The following RABGAP1 variants were observed in gnomAD, a reference collection of about 807,000 sequenced individuals.
RABGAP1 encodes the protein rab GTPase-activating protein 1.
A neutral mutation model predicts 137.6 loss-of-function variants in RABGAP1; 23 were observed. The observed-to-expected ratio is 0.17, with a 90% CI of 0.12 to 0.24. The LOEUF (loss-of-function observed/expected upper bound fraction) is 0.24. Ranked by LOEUF, RABGAP1 falls within the 10% of genes least tolerant of loss-of-function variation. The pLI, the probability that RABGAP1 is intolerant of heterozygous loss-of-function variation, is 1.00. For synonymous variants in RABGAP1, 451 were observed against 450.7 expected (o/e 1.00, Z -0.01); for missense variants, 906 against 1,275.8 (o/e 0.71, Z 4.42).
chr9:122,993,365 G>A lies in RABGAP1; in HGVS notation c.924-2676G>A, dbSNP rs766619801. Among the ~76,000 whole-genome samples the A allele has an allele frequency of 2.4e-4, 37 of 152,028 alleles. No individual in the cohort carries two copies. The South Asian group carries it at 2.7e-3, about 11-fold the overall frequency. On this transcript the variant is annotated intron_variant, in intron 6 of 25. Transcript: ENST00000373647. ...TGGCTCATTGCAACCTCCTTCTCCC[G>A]GGTTCAAGTGATTCTACTGCTTCAA...
At chr9:122,939,404 T>G (rs998783952), upstream of RABGAP1, 7 of 152,214 alleles carry the variant, frequency 4.6e-5, no homozygotes, top group East Asian at 1.4e-3. Flanking sequence ...ACTCCTAGGC[T>G]CAAGCCATCC....
intron 19 of RABGAP1, among the ~76,000 whole-genome samples, chr9:123,078,830 A>T (rs1464180192): frequency 6.6e-6 from 1 of 152,126 alleles, no homozygotes; most frequent in Non-Finnish European, 1.5e-5. Context: ...CACCTTCATT[A>T]TTAACATCCT....
chr9:123,076,904 A>G (rs2034527802), intron 19 of RABGAP1, 142 bp downstream of exon 19: 5 of 461,500 alleles, frequency 1.1e-5, no homozygotes, highest in Non-Finnish European at 1.5e-5. Context: ...TAATATATAA[A>G]TAATATTAAT....
chr9:122,985,789 T>C (rs1210745487), intron 3 of RABGAP1, among the ~76,000 whole-genome samples: 1 of 152,166 alleles, frequency 6.6e-6, no homozygotes, highest in Admixed American at 6.5e-5. Flanking sequence ...ATATTTTGAG[T>C]ATCCTTTGTC....
At position 123,094,855 on chromosome 9, in the gene RABGAP1, T is replaced by C. The variant is rs200408355; in HGVS notation, c.2629-2886T>C. 2.0e-5 allele frequency among the ~76,000 whole-genome samples: 3 copies of C among 152,340 alleles called. No homozygotes were observed. In the East Asian group the frequency reaches 5.8e-4, roughly 29 times the overall value. On this transcript the variant is annotated intron_variant, in intron 21 of 25. Transcript: ENST00000373647. ...CTAATTTTTCGTGTGTCTGTTGTTATAATTTGTGTCTTTCAAGTAATATAT... is the reference window on the plus strand; with the variant it reads ...CTAATTTTTCGTGTGTCTGTTGTTACAATTTGTGTCTTTCAAGTAATATAT...
upstream of RABGAP1, among the ~76,000 whole-genome samples, chr9:122,937,469 C>T (rs1487517556): frequency 6.6e-5 from 10 of 151,764 alleles, no homozygotes; most frequent in South Asian, 2.1e-4. Flanking sequence ...TGGTGGCGTA[C>T]GCCTGTAATC....
intron 13 of RABGAP1, among the ~76,000 whole-genome samples, chr9:123,059,684 TATAAA>T (rs2132099178): frequency 6.6e-6 from 1 of 152,300 alleles, no homozygotes; most frequent in East Asian, 1.9e-4. Context: ...TTTGTGCTCT[TATAAA>T]GAAGAGACCT....
chr9:122,986,151 G>A, intron 3 of RABGAP1, 64 bp from the exon 4 acceptor site: 1 of 1,466,824 alleles, frequency 6.8e-7, no homozygotes, highest in South Asian at 1.2e-5. Context: ...ATTTTTACTT[G>A]CTAATCGTAT....
At chr9:123,040,368 A>G (rs1015953803) in intron 13 of RABGAP1, among the ~76,000 whole-genome samples, 1 of 152,196 alleles carries the variant, frequency 6.6e-6, no homozygotes. Flanking sequence ...TGGGAAGCCA[A>G]ACTGTATTCA....
intron 13 of RABGAP1, among the ~76,000 whole-genome samples, chr9:123,045,069 T>C (rs945881700): frequency 1.6e-4 from 24 of 152,258 alleles, no homozygotes; most frequent in African/African-American, 5.8e-4. Context: ...TTTGTTGGCT[T>C]GTTACAAAAC....
chr9:122,975,664 TGA>T (rs1308257929), intron 2 of RABGAP1, among the ~76,000 whole-genome samples: 1 of 152,188 alleles, frequency 6.6e-6, no homozygotes, highest in Admixed American at 6.5e-5. Context: ...TAGAAAGAGC[TGA>T]GAGTGGGGTG....
intron 1 of RABGAP1, among the ~76,000 whole-genome samples, chr9:122,954,783 C>T (rs532237576): frequency 3.3e-5 from 5 of 152,282 alleles, no homozygotes; most frequent in South Asian, 2.1e-4. Context: ...GCTTCATAAT[C>T]GAGTGGAAAG....
At chr9:123,023,734 G>A (rs1475901635) in intron 13 of RABGAP1, among the ~76,000 whole-genome samples, 2 of 151,914 alleles carry the variant, frequency 1.3e-5, no homozygotes, top group Non-Finnish European at 2.9e-5. Context: ...CACACAGCAG[G>A]ATTTGTACAT....
At chr9:123,002,345 A>G (rs1837365049) in intron 10 of RABGAP1, among the ~76,000 whole-genome samples, 8 of 124,156 alleles carry the variant, frequency 6.4e-5, no homozygotes. Context: ...TTAGTTGTAT[A>G]TATATTTTTA....
chr9:122,994,714 C>T (rs558748872), intron 6 of RABGAP1, among the ~76,000 whole-genome samples: 1 of 152,236 alleles, frequency 6.6e-6, no homozygotes, highest in East Asian at 1.9e-4. Flanking sequence ...AAATAAGATA[C>T]AATTTAGATT....
At chr9:123,059,802 T>C (rs1441204621) in intron 13 of RABGAP1, among the ~76,000 whole-genome samples, 1 of 152,186 alleles carries the variant, frequency 6.6e-6, no homozygotes, top group Non-Finnish European at 1.5e-5. Flanking sequence ...ATCTTGATCT[T>C]GGAATTTCCA....
chr9:123,010,626 T>C (rs1199277471), intron 11 of RABGAP1, 98 bp downstream of exon 11: 1 of 1,129,020 alleles, frequency 8.9e-7, no homozygotes, highest in Non-Finnish European at 1.2e-6. Context: ...ACGGCATTTA[T>C]AATTCATTTA....
intron 21 of RABGAP1, among the ~76,000 whole-genome samples, chr9:123,095,245 A>T (rs1352399741): frequency 6.6e-6 from 1 of 151,508 alleles, no homozygotes; most frequent in Non-Finnish European, 1.5e-5. Flanking sequence ...AAAAAAAAAA[A>T]AAAAAAGCCA....
At chr9:122,944,744 T>C (rs539748429) in intron 1 of RABGAP1, among the ~76,000 whole-genome samples, 23 of 151,954 alleles carry the variant, frequency 1.5e-4, no homozygotes, top group African/African-American at 5.6e-4. Flanking sequence ...ATAATTTTTT[T>C]TTTTTTATTT....
Sources: allele counts gnomAD v4.1 joint callset (sites outside exome capture counted in the v4.1 genomes callset), GRCh38; gene constraint gnomAD v4.1.1; transcripts MANE v1.5; gene names NCBI Gene and HGNC (gene_info 2026-07-23, HGNC 2026-07-21).